Variants in KIF7 observed in about 807,000 individuals in gnomAD.
KIF7 encodes kinesin-like protein KIF7.
A neutral mutation model predicts 135.7 loss-of-function variants in KIF7; 104 were observed. That is an observed-to-expected ratio of 0.77 (90% CI 0.65 to 0.90). The LOEUF (loss-of-function observed/expected upper bound fraction) is 0.90, where lower values mean the gene tolerates loss of function less well. Ranked by LOEUF, KIF7 falls within the 40% of genes least tolerant of loss-of-function variation. KIF7 has a pLI of 0.00. For synonymous variants in KIF7, 883 were observed against 809.4 expected (o/e 1.09, Z -1.54); for missense variants, 2,005 against 1,839.1 (o/e 1.09, Z -1.65).
Position 89,647,607 on chromosome 15 carries a change from A to G in KIF7, c.1549T>C (p.Tyr517His). 1 of 1,611,780 alleles carries G rather than the reference A, an allele frequency of 6.2e-7. No homozygotes were observed. Residue 517 changes from tyrosine (Y) to histidine (H), a missense_variant, in exon 6 of 19, where the codon TAC (tyrosine) becomes CAC (histidine). Physicochemically the swap from Tyr to His is moderately conservative, Grantham distance 83 (BLOSUM62 2). Coordinates refer to ENST00000394412, the MANE Select transcript of KIF7 (RefSeq NM_198525.3). ...LAALEDAMEQ[Y>H]KLQSDRLREQ... ...AGCGGGCGCCGCACCTGCAGTTTGT[A>G]CTGCTCCATGGCGTCCTCCAGCGCA...
chr15:89,623,796 A>T, downstream of KIF7: 1 of 1,613,792 alleles, frequency 6.2e-7, no homozygotes, highest in Non-Finnish European at 8.5e-7. Context: ...ACTCCTCCTC[A>T]CCCGGCCATG....
At chr15:89,644,875 G>T in intron 10 of KIF7, 138 bp downstream of exon 10, 1 of 1,102,484 alleles carries the variant, frequency 9.1e-7, no homozygotes, top group Non-Finnish European at 1.3e-6. Flanking sequence ...GCTGGAAGAG[G>T]CTGGGCTGAG....
intron 2 of KIF7, 49 bp from the exon 3 acceptor site, chr15:89,649,990 A>G: frequency 1.3e-6 from 2 of 1,531,196 alleles, no homozygotes; most frequent in Non-Finnish European, 1.8e-6. Flanking sequence ...GACACGGCCC[A>G]TGGCCCCCAG....
chr15:89,652,537 G>GGT, intron 2 of KIF7, 66 bp downstream of exon 2: 2 of 1,253,990 alleles, frequency 1.6e-6, no homozygotes, highest in Non-Finnish European at 2.2e-6. Context: ...AGAGGACAAG[G>GGT]CAGAAATCCA....
chr15:89,624,255 T>C (rs142860136), downstream of KIF7: 136 of 1,614,184 alleles, frequency 8.4e-5, 1 homozygote, highest in African/African-American at 1.5e-3. Flanking sequence ...TTACCTCTCC[T>C]TTATGTGATG....
chr15:89,633,049 G>A (rs1431827974), intron 13 of KIF7, 53 bp from the exon 14 acceptor site: 54 of 1,596,126 alleles, frequency 3.4e-5, no homozygotes, highest in Non-Finnish European at 4.3e-5. Flanking sequence ...CTCTGGCTGT[G>A]TCAGCCGCCA....
At chr15:89,644,108 A>G (rs1165172923) in intron 10 of KIF7, among the ~76,000 whole-genome samples, 1 of 152,166 alleles carries the variant, frequency 6.6e-6, no homozygotes. Context: ...CTAAGTCTGG[A>G]GGATGGGTAT....
chr15:89,649,965 C>T (rs1964098168), intron 2 of KIF7, 24 bp from the exon 3 acceptor site: 1 of 1,547,484 alleles, frequency 6.5e-7, no homozygotes, highest in African/African-American at 1.4e-5. Flanking sequence ...GCAGGGCCTC[C>T]TGCCACTTCA....
chr15:89,651,443 AGGCTG>A (rs1964122751), intron 2 of KIF7, among the ~76,000 whole-genome samples: 1 of 152,024 alleles, frequency 6.6e-6, no homozygotes, highest in Admixed American at 6.5e-5. Context: ...CATGTTGGCT[AGGCTG>A]GTCTCGAACT....
intron 16 of KIF7, chr15:89,630,057 C>A: frequency 1.7e-6 from 1 of 588,994 alleles, no homozygotes; most frequent in Admixed American, 3.0e-5. Flanking sequence ...TGGCCATGGA[C>A]CACCCTGAGG....
chr15:89,642,830 A>AT (rs1963947930), intron 10 of KIF7, among the ~76,000 whole-genome samples: 1 of 152,206 alleles, frequency 6.6e-6, no homozygotes, highest in African/African-American at 2.4e-5. Context: ...TGGCCTCCCA[A>AT]AGTCCTGGGA....
At position 89,646,853 on chromosome 15, in the gene KIF7, C is replaced by T. The variant is rs1964021648; in HGVS notation, c.1765G>A (p.Val589Ile). Reference sequence around the variant, plus strand: ...ACCTCTCCCCTCTGCTCAGAGCCAACTTCATCTCCAGGGAGGCAGGCAGGC... The same window carrying T: ...ACCTCTCCCCTCTGCTCAGAGCCAATTTCATCTCCAGGGAGGCAGGCAGGC... ...VPPACLPGDE[V>I]GSEQRGEQVT... Residue 589 changes from valine (V) to isoleucine (I), a missense_variant, in exon 7 of 19, where the codon GTT becomes ATT. Physicochemically the swap from Val to Ile is conservative, Grantham distance 29. Coordinates refer to ENST00000394412, the MANE Select transcript of KIF7 (RefSeq NM_198525.3). The T allele has an allele frequency of 1.2e-6, 2 of 1,613,992 alleles. No individual in the cohort carries two copies. The highest frequency in any genetic ancestry group is 1.7e-6 in the Non-Finnish European group (2 of 1,180,034).
At chr15:89,641,577 G>A (rs368188536) in intron 11 of KIF7, among the ~76,000 whole-genome samples, 5 of 152,134 alleles carry the variant, frequency 3.3e-5, no homozygotes, top group Admixed American at 6.5e-5. Flanking sequence ...CCAGGTGGGC[G>A]GATCACTTGA....
Position 89,633,186 on chromosome 15 carries a change from C to T in KIF7, c.2673G>A (p.Arg891=), listed in dbSNP as rs773401432. 6 of 1,605,564 alleles carry T rather than the reference C, an allele frequency of 3.7e-6. No homozygotes were observed. Among genetic ancestry groups the T allele is most frequent in the Admixed American group, 1.7e-5 (1 of 59,800 alleles). ...CCACAGAGCCGTTGCTGCCACTGCG[C>T]CTCTTCCTCTGGAATGCCGCGATCT... is the stretch of plus-strand genomic sequence containing the variant. ...TEEIAAFQRK[R]RSGSNGSVVS... Residue 891 remains arginine (R), a synonymous_variant, in exon 13 of 19, where the codon AGG becomes AGA. Transcript: ENST00000394412.
At chr15:89,624,634 G>A, downstream of KIF7, 1 of 1,614,050 alleles carries the variant, frequency 6.2e-7, no homozygotes, top group Non-Finnish European at 8.5e-7. Flanking sequence ...GGGCTACCCA[G>A]GCCCTGGTCT....
chr15:89,659,888 G>A (rs1314343808), upstream of KIF7, among the ~76,000 whole-genome samples: 1 of 152,174 alleles, frequency 6.6e-6, no homozygotes, highest in Non-Finnish European at 1.5e-5. Flanking sequence ...TTATCACAAA[G>A]TATGTAACAG....
chr15:89,633,601 A>G (rs1963733343), intron 12 of KIF7, 85 bp downstream of exon 12: 1 of 1,480,754 alleles, frequency 6.8e-7, no homozygotes, highest in East Asian at 2.4e-5. Flanking sequence ...TGTGGGTTGC[A>G]AACCCTGCCT....
chr15:89,627,061 T>C (rs759846950), downstream of KIF7: 2 of 1,614,028 alleles, frequency 1.2e-6, no homozygotes, highest in Admixed American at 1.7e-5. Context: ...AAGAAGCTCA[T>C]GGGAACCTGG....
downstream of KIF7, chr15:89,625,981 C>T: frequency 6.2e-7 from 1 of 1,605,376 alleles, no homozygotes; most frequent in Non-Finnish European, 8.5e-7. Context: ...TGCCTCTCTG[C>T]CAGTGCCCTC....
Sources: gnomAD v4.1 joint callset for allele counts (sites outside exome capture counted in the v4.1 genomes callset) on GRCh38, gnomAD v4.1.1 for gene constraint, MANE v1.5 for transcripts, NCBI Gene and HGNC (gene_info 2026-07-23, HGNC 2026-07-21) for gene names.